Variants in PDGFRL observed in about 807,000 individuals in gnomAD.
PDGFRL encodes the protein platelet derived growth factor receptor like.
PDGFRL carries 46 observed loss-of-function variants against 37.2 expected under a neutral mutation model. That is an observed-to-expected ratio of 1.24 (90% CI 0.98 to 1.58). The LOEUF (loss-of-function observed/expected upper bound fraction) is 1.58. Ranked by LOEUF, PDGFRL falls within the 40% of genes most tolerant of loss-of-function variation. PDGFRL has a pLI of 0.00. For synonymous variants in PDGFRL, 251 were observed against 184.3 expected (o/e 1.36, Z -2.93); for missense variants, 692 against 467.6 (o/e 1.48, Z -4.43).
chr8:17,604,245 A>G (rs540960005), intron 2 of PDGFRL, among the ~76,000 whole-genome samples: 2 of 152,344 alleles, frequency 1.3e-5, no homozygotes, highest in Non-Finnish European at 2.9e-5. Flanking sequence ...GTATATACCC[A>G]AAGAGTTATA....
At chr8:17,591,658 G>A (rs917733828) in intron 2 of PDGFRL, among the ~76,000 whole-genome samples, 6 of 152,232 alleles carry the variant, frequency 3.9e-5, no homozygotes, top group Admixed American at 6.5e-5. Flanking sequence ...GCTCACGCCT[G>A]TAATCCCAGC....
intron 2 of PDGFRL, among the ~76,000 whole-genome samples, chr8:17,620,742 C>T (rs1241059698): frequency 6.6e-6 from 1 of 152,048 alleles, no homozygotes; most frequent in Non-Finnish European, 1.5e-5. Flanking sequence ...AAAATATTTA[C>T]CTCATTGTAT....
At chr8:17,640,991 G>C (rs1011355995) in intron 5 of PDGFRL, among the ~76,000 whole-genome samples, 4 of 152,172 alleles carry the variant, frequency 2.6e-5, no homozygotes, top group African/African-American at 4.8e-5. Context: ...AGGCCAATGG[G>C]GTTATGTTCC....
intron 2 of PDGFRL, among the ~76,000 whole-genome samples, chr8:17,612,463 C>T (rs1045342653): frequency 8.6e-5 from 13 of 151,998 alleles, no homozygotes; most frequent in East Asian, 1.9e-4. Flanking sequence ...CTCTGCCTCC[C>T]GGGTTCAAGC....
intron 3 of PDGFRL, among the ~76,000 whole-genome samples, chr8:17,627,493 A>G (rs992311827): frequency 1.3e-5 from 2 of 148,242 alleles, no homozygotes; most frequent in East Asian, 2.0e-4. Flanking sequence ...TTGAGACGCA[A>G]TCTTGCTCTG....
intron 3 of PDGFRL, among the ~76,000 whole-genome samples, chr8:17,623,282 T>G (rs1207178752): frequency 6.6e-6 from 1 of 152,174 alleles, no homozygotes; most frequent in Non-Finnish European, 1.5e-5. Flanking sequence ...CTAGCATAAC[T>G]GGTGTTGTCA....
At chr8:17,578,896 G>C (rs1168750101) in intron 1 of PDGFRL, among the ~76,000 whole-genome samples, 4 of 152,178 alleles carry the variant, frequency 2.6e-5, no homozygotes, top group Non-Finnish European at 1.5e-5. Context: ...CGAAGATTTT[G>C]TTTATAAAAG....
At chr8:17,609,625 G>A (rs1173520248) in intron 2 of PDGFRL, among the ~76,000 whole-genome samples, 1 of 101,954 alleles carries the variant, frequency 9.8e-6, no homozygotes, top group Non-Finnish European at 1.8e-5. Context: ...GTGACAGAGT[G>A]AGACTCTGTA....
chr8:17,590,911 C>T (rs1803924327), intron 2 of PDGFRL, among the ~76,000 whole-genome samples: 1 of 134,676 alleles, frequency 7.4e-6, no homozygotes, highest in Admixed American at 7.8e-5. Flanking sequence ...GAGACGGAGT[C>T]TCGCTCTGTC....
chr8:17,583,502 C>T (rs966452281), intron 1 of PDGFRL, among the ~76,000 whole-genome samples: 6 of 152,074 alleles, frequency 3.9e-5, no homozygotes, highest in Admixed American at 6.5e-5. Flanking sequence ...GTTAAGATTT[C>T]GGGGACTATT....
At chr8:17,585,423 AAGAG>A (rs1803795125) in intron 1 of PDGFRL, among the ~76,000 whole-genome samples, 1 of 152,072 alleles carries the variant, frequency 6.6e-6, no homozygotes, top group Non-Finnish European at 1.5e-5. Context: ...TCTCGAAAGG[AAGAG>A]AGAAAGGAAG....
chr8:17,636,057 C>T (rs1366507490), intron 5 of PDGFRL, among the ~76,000 whole-genome samples: 2 of 152,182 alleles, frequency 1.3e-5, no homozygotes, highest in South Asian at 2.1e-4. Context: ...TTTTCTCCCA[C>T]TCTGTGGGTT....
intron 3 of PDGFRL, 29 bp downstream of exon 3, chr8:17,621,231 C>A (rs1804624939): frequency 1.3e-6 from 2 of 1,535,748 alleles, no homozygotes; most frequent in South Asian, 2.3e-5. Flanking sequence ...TAATGGAACT[C>A]TTCAAACTTC....
intron 2 of PDGFRL, among the ~76,000 whole-genome samples, chr8:17,612,408 GT>G (rs1804438672): frequency 6.6e-6 from 1 of 151,434 alleles, no homozygotes; most frequent in Non-Finnish European, 1.5e-5. Context: ...GTCTCACTCT[GT>G]TGCCCAGGCC....
chr8:17,589,781 T>TA lies in PDGFRL; in HGVS notation c.353+20dup, dbSNP rs1563506701. On this transcript the variant is annotated intron_variant, in intron 2 of 5. Coordinates refer to ENST00000251630, the MANE Select transcript of PDGFRL (RefSeq NM_001372073.1). ...CTCGCCTCAGGTAAGCATTTTTTTTTAAAACTGTGTAGGGTTGAGGATTTG... is the reference window on the plus strand; with the variant it reads ...CTCGCCTCAGGTAAGCATTTTTTTTTAAAAACTGTGTAGGGTTGAGGATTTG... The TA allele has an allele frequency of 2.0e-6, 3 of 1,496,886 alleles. No homozygotes were observed. Among genetic ancestry groups the TA allele is most frequent in the Admixed American group, 3.6e-5 (2 of 54,890 alleles). 92.7% of individuals were successfully genotyped at this position (1,496,886 alleles called of 1,614,324 possible).
intron 2 of PDGFRL, among the ~76,000 whole-genome samples, chr8:17,614,934 C>T (rs546705001): frequency 1.3e-5 from 2 of 152,292 alleles, no homozygotes; most frequent in African/African-American, 4.8e-5. Flanking sequence ...CTAACCTCTC[C>T]AGCCTGTTTG....
chr8:17,641,572 C>T (rs1253750103), intron 5 of PDGFRL, among the ~76,000 whole-genome samples: 1 of 152,150 alleles, frequency 6.6e-6, no homozygotes, highest in Non-Finnish European at 1.5e-5. Flanking sequence ...GGACATAGAC[C>T]ACGCCAAAAA....
chr8:17,579,239 A>T (rs1347925357), intron 1 of PDGFRL, among the ~76,000 whole-genome samples: 4 of 152,212 alleles, frequency 2.6e-5, no homozygotes, highest in African/African-American at 9.7e-5. Flanking sequence ...TCTATAATGT[A>T]TGGACTATTT....
intron 2 of PDGFRL, among the ~76,000 whole-genome samples, 186 bp from the exon 3 acceptor site, chr8:17,620,861 CATTT>C (rs1804615660): frequency 6.4e-5 from 1 of 15,572 alleles, no homozygotes; most frequent in South Asian, 5.2e-3. Flanking sequence ...CAGTTTTTAT[CATTT>C]TTTTTTTTTT....
Sources: gnomAD v4.1 joint callset for allele counts (sites outside exome capture counted in the v4.1 genomes callset) on GRCh38, gnomAD v4.1.1 for gene constraint, MANE v1.5 for transcripts, NCBI Gene and HGNC (gene_info 2026-07-23, HGNC 2026-07-21) for gene names.